The following IL2RG variants were observed in gnomAD, a reference collection of about 807,000 sequenced individuals.
The protein encoded by IL2RG is interleukin 2 receptor subunit gamma.
For missense variants in IL2RG, 205 were observed against 272.9 expected (o/e 0.75, Z 1.75); for synonymous variants, 111 against 108.5 (o/e 1.02, Z -0.15).
chrX:71,110,184 T>C lies in IL2RG; in HGVS notation c.566A>G (p.Tyr189Cys). ...LNHCLEHLVQ[Y>C]RTDWDHSWTE... ...CCAGCTGTGGTCCCAGTCAGTCCGGTACTGCACCAAGTGCTCCAAACAGTG... is the reference window on the plus strand; with the variant it reads ...CCAGCTGTGGTCCCAGTCAGTCCGGCACTGCACCAAGTGCTCCAAACAGTG... The change falls in exon 4 of 8, where the codon TAC becomes TGC. Residue 189 changes from tyrosine to cysteine, a missense_variant. Transcript: ENST00000374202. 1 of 1,211,074 alleles carries C rather than the reference T, an allele frequency of 8.3e-7. No homozygotes were observed. The highest frequency in any genetic ancestry group is 1.1e-6 in the Non-Finnish European group (1 of 894,976).
chrX:71,110,543 T>C lies in IL2RG; in HGVS notation c.415A>G (p.Arg139Gly). The C allele has an allele frequency of 7.4e-6, 9 of 1,211,755 alleles. No homozygotes were observed. The highest frequency in any genetic ancestry group is 1.8e-5 in the South Asian group (1 of 57,002). Residue 139 changes from arginine to glycine, a missense_variant, in exon 3 of 8, where the codon AGG becomes GGG. Arg to Gly is a moderately radical substitution (Grantham distance 125). Transcript: ENST00000374202. Reference protein sequence around the residue: ...VVQLQDPREPRRQATQMLKLQ... With the variant: ...VVQLQDPREPGRQATQMLKLQ... ...TTTAGCATCTGTGTGGCCTGTCTCC[T>C]GGGTTCCCGTGGGTCCTGGAGCTGA...
intron 1 of IL2RG, 167 bp from the exon 2 acceptor site, chrX:71,111,217 C>T (rs2092263119): frequency 2.9e-6 from 2 of 683,944 alleles, no homozygotes; most frequent in Non-Finnish European, 4.4e-6. Flanking sequence ...CATAGTGAGA[C>T]CCTGCCTCAA....
rs768291371 is a variant in IL2RG at position 71,107,755 on chromosome X, G to T, written c.1091C>A (p.Thr364Asn). 8.7e-7 allele frequency: 1 copy of T among 1,144,634 alleles called. No homozygotes were observed. The highest frequency in any genetic ancestry group is 1.8e-5 in the African/African-American group (1 of 54,844). 94.3% of individuals were successfully genotyped at this position (1,144,634 alleles called of 1,213,427 possible). ...HSPYWAPPCY[T>N]LKPET Reference sequence around the variant, plus strand: ...TGGGGTTCAGGTTTCAGGCTTTAGGGTGTAACATGGGGGGGCCCAGTAGGG... The same window carrying T: ...TGGGGTTCAGGTTTCAGGCTTTAGGTTGTAACATGGGGGGGCCCAGTAGGG... The change falls in exon 8 of 8, where the codon ACC (threonine) becomes AAC (asparagine). Residue 364 changes from threonine (T) to asparagine (N), a missense_variant. By Grantham distance (65) the Thr-to-Asn change is moderately conservative. Transcript: ENST00000374202.
At chrX:71,108,575 T>C in intron 6 of IL2RG, 24 bp downstream of exon 6, 1 of 1,102,825 alleles carries the variant, frequency 9.1e-7, no homozygotes, top group South Asian at 1.9e-5. Context: ...TCCCCTCATT[T>C]TTCTGGGCTT....
rs752875782 is a variant in IL2RG at position 71,110,481 on chromosome X, T to C, written c.454+23A>G. On this transcript the variant is annotated intron_variant, in intron 3 of 7. Transcript: ENST00000374202. ...AATGTCCCACAGTATCCCTGGTCTC[T>C]TGACCCTTTCTTTCCAAATTACCCA... The C allele has an allele frequency of 4.6e-5, 55 of 1,200,493 alleles. No homozygotes were observed. Among genetic ancestry groups the C allele is most frequent in the Middle Eastern group, 4.7e-4 (2 of 4,255 alleles).
In IL2RG at chrX:71,107,819, CA is replaced by C. The variant is rs2147745907; in HGVS notation, c.1026del (p.Glu344ArgfsTer22). On this transcript the variant is annotated frameshift_variant, in exon 8 of 8. Coordinates refer to ENST00000374202, the MANE Select transcript of IL2RG (RefSeq NM_000206.3). LOFTEE classifies it high-confidence loss of function. ...VSEIPPKGGA[L>X]GEGPGASPCN... ...CATGGGGAGGCCCCAGGCCCCTCCC[CA>C]AGGGCCCCTCCTTTTGGGGGAATCT... The C allele has an allele frequency of 8.3e-7, 1 of 1,200,153 alleles. No individual in the cohort carries two copies. Among genetic ancestry groups the C allele is most frequent in the Admixed American group, 2.2e-5 (1 of 44,959 alleles).
rs775833181 is a variant in IL2RG at position 71,108,557 on chromosome X, G to A, written c.854+42C>T. 8 of 979,349 alleles carry A rather than the reference G, an allele frequency of 8.2e-6. No homozygotes were observed. In the African/African-American group the frequency reaches 1.2e-4, roughly 14 times the overall value. 80.7% of individuals were successfully genotyped at this position (979,349 alleles called of 1,213,427 possible). A position where few individuals can be genotyped will look rare whatever the true frequency, so the allele number is the denominator to read the frequency against. ...GCAAAACCCTCCTCTGCTATTGTCA[G>A]CTACCGTTCCCCTCATTTTTCTGGG... is the stretch of plus-strand genomic sequence containing the variant. On this transcript the variant is annotated intron_variant, in intron 6 of 7. Transcript: ENST00000374202.
intron 1 of IL2RG, 57 bp downstream of exon 1, chrX:71,111,368 C>T (rs773377204): frequency 4.2e-6 from 5 of 1,186,442 alleles, no homozygotes; most frequent in Admixed American, 4.6e-5. Flanking sequence ...GATCTCTGTA[C>T]GGCCCCTTCC....
At position 71,110,545 on chromosome X, in the gene IL2RG, G is replaced by A; in HGVS notation, c.413C>T (p.Pro138Leu). ...TAGCATCTGTGTGGCCTGTCTCCTG[G>A]GTTCCCGTGGGTCCTGGAGCTGAAC... ...FVVQLQDPRE[P>L]RRQATQMLKL... Residue 138 changes from proline (P) to leucine (L), a missense_variant, in exon 3 of 8, where the codon CCC becomes CTC. Coordinates refer to ENST00000374202, the MANE Select transcript of IL2RG (RefSeq NM_000206.3). The A allele has an allele frequency of 8.3e-7, 1 of 1,211,385 alleles. No individual in the cohort carries two copies. The highest frequency in any genetic ancestry group is 1.7e-5 in the African/African-American group (1 of 57,738).
chrX:71,108,436 T>C (rs2092255912), intron 6 of IL2RG, 90 bp from the exon 7 acceptor site: 1 of 726,401 alleles, frequency 1.4e-6, no homozygotes, highest in African/African-American at 2.1e-5. Flanking sequence ...ATAAAGTGAT[T>C]CTGTGTTCTC....
Position 71,111,423 on chromosome X carries a change from AC to A in IL2RG, c.115+1del. ...AGCCCCCTCCAGTCCCAGATTTCCC[AC>A]CAGCTGTGGTGTCTTCATTCCCATT... On this transcript the variant is annotated splice_donor_variant, in intron 1 of 7. Transcript: ENST00000374202. LOFTEE classifies it high-confidence loss of function. 8.3e-7 allele frequency: 1 copy of A among 1,209,880 alleles called. No individual in the cohort carries two copies. The highest frequency in any genetic ancestry group is 1.8e-5 in the South Asian group (1 of 56,862).
chrX:71,107,449 A>T lies in IL2RG; in HGVS notation c.*287T>A. ...AAACTTTATTTCTCATCGGTTCAGGAACAATCGGAGGGTAGATGGAAAGAG... is the reference window on the plus strand; with the variant it reads ...AAACTTTATTTCTCATCGGTTCAGGTACAATCGGAGGGTAGATGGAAAGAG... On this transcript the variant is annotated 3_prime_UTR_variant, in exon 8 of 8. Transcript: ENST00000374202. 3.8e-6 allele frequency: 1 copy of T among 263,427 alleles called. No homozygotes were observed. Among genetic ancestry groups the T allele is most frequent in the Admixed American group, 6.1e-5 (1 of 16,336 alleles). The allele number at this position is 263,427 out of a possible 1,213,427, so 21.7% of individuals were successfully genotyped here. A position where few individuals can be genotyped will look rare whatever the true frequency, so the allele number is the denominator to read the frequency against.
At chrX:71,108,786 T>C (rs2092257091) in intron 5 of IL2RG, 91 bp from the exon 6 acceptor site, 1 of 560,079 alleles carries the variant, frequency 1.8e-6, no homozygotes, top group African/African-American at 2.3e-5. Context: ...GCTAAAGACA[T>C]ACTCTCTGTT....
intron 4 of IL2RG, 26 bp downstream of exon 4, chrX:71,110,129 GC>G: frequency 8.3e-7 from 1 of 1,206,883 alleles, no homozygotes; most frequent in Non-Finnish European, 1.1e-6. Context: ...GGCCTTAGCT[GC>G]TACATTCACG....
intron 6 of IL2RG, 60 bp from the exon 7 acceptor site, chrX:71,108,406 T>C: frequency 1.2e-6 from 1 of 822,542 alleles, no homozygotes; most frequent in Non-Finnish European, 1.8e-6. Context: ...ATCACCCTTC[T>C]CCCAGTTGTC....
rs1373165172 is a variant in IL2RG at position 71,110,696 on chromosome X, A to G, written c.270-8T>C. 1.1e-5 allele frequency: 13 copies of G among 1,199,891 alleles called. No individual in the cohort carries two copies. Among genetic ancestry groups the G allele is most frequent in the Non-Finnish European group, 1.5e-5 (13 of 886,389 alleles). On this transcript the variant is annotated splice_region_variant and splice_polypyrimidine_tract_variant and intron_variant, in intron 2 of 7. Transcript: ENST00000374202. The stretch of plus-strand genomic sequence containing the variant: ...TTATCCGAGTTCTTGTACCTAGAGG[A>G]GAAAGGTTGGAAGGAAGAGGAACAG...
chrX:71,111,129 T>C, intron 1 of IL2RG, 79 bp from the exon 2 acceptor site: 2 of 988,058 alleles, frequency 2.0e-6, no homozygotes, highest in Non-Finnish European at 2.8e-6. Context: ...CGGTGGCTCA[T>C]GTCTGTAATC....
intron 7 of IL2RG, 140 bp downstream of exon 7, chrX:71,108,137 C>T: frequency 1.8e-6 from 1 of 559,905 alleles, no homozygotes; most frequent in South Asian, 2.5e-5. Flanking sequence ...GTCCATGCCC[C>T]ATTTGGTCGG....
At position 71,107,654 on chromosome X, in the gene IL2RG, G is replaced by A; in HGVS notation, c.*82C>T. 3 of 764,086 alleles carry A rather than the reference G, an allele frequency of 3.9e-6. No homozygotes were observed. The highest frequency in any genetic ancestry group is 5.4e-6 in the Non-Finnish European group (3 of 553,127). The allele number at this position is 764,086 out of a possible 1,213,427, so 63.0% of individuals were successfully genotyped here. ...CCACAGTGGGGTGAGGTGAGTATGA[G>A]ACGCAGGTGGGTTGAATGAAGGAAA... On this transcript the variant is annotated 3_prime_UTR_variant, in exon 8 of 8. Transcript: ENST00000374202.
Sources: allele counts gnomAD v4.1 joint callset, GRCh38; gene constraint gnomAD v4.1.1; transcripts MANE v1.5; gene names NCBI Gene and HGNC (gene_info 2026-07-23, HGNC 2026-07-21).